REEP1: variants seen among roughly 807,000 people sequenced by gnomAD.
REEP1 encodes receptor expression-enhancing protein 1.
A neutral mutation model predicts 40.3 loss-of-function variants in REEP1; 22 were observed. That is an observed-to-expected ratio of 0.55 (90% confidence interval 0.39 to 0.78). The LOEUF is 0.78. Among genes scored for constraint, REEP1 ranks in the 30% least tolerant of loss-of-function variants. REEP1 has a pLI of 0.00. For missense variants in REEP1, 280 were observed against 361.1 expected (o/e 0.78, Z 1.82); for synonymous variants, 116 against 139.2 (o/e 0.83, Z 1.17).
chr2:86,273,178 C>G (rs1046713940), intron 2 of REEP1, among the ~76,000 whole-genome samples: 3 of 151,222 alleles, frequency 2.0e-5, no homozygotes, highest in East Asian at 3.9e-4. Context: ...AAGCGGGTGA[C>G]TTTCTTTCCT....
intron 1 of REEP1, among the ~76,000 whole-genome samples, chr2:86,303,376 T>C (rs1679346414): frequency 6.6e-6 from 1 of 151,948 alleles, no homozygotes; most frequent in Non-Finnish European, 1.5e-5. Context: ...ATCACCAGCC[T>C]GGCTAATTTT....
intron 5 of REEP1, among the ~76,000 whole-genome samples, chr2:86,233,500 G>A (rs182535209): frequency 6.6e-6 from 1 of 152,208 alleles, no homozygotes; most frequent in East Asian, 1.9e-4. Flanking sequence ...TAATCTCGGG[G>A]GGAATTGTTC....
intron 2 of REEP1, among the ~76,000 whole-genome samples, chr2:86,276,369 T>G (rs1256317708): frequency 6.6e-6 from 1 of 152,262 alleles, no homozygotes; most frequent in Non-Finnish European, 1.5e-5. Context: ...CTTTTCCTAC[T>G]GCTCTGCTTC....
intron 2 of REEP1, among the ~76,000 whole-genome samples, chr2:86,276,678 G>C (rs1168886421): frequency 6.6e-6 from 1 of 152,184 alleles, no homozygotes; most frequent in Non-Finnish European, 1.5e-5. Context: ...CCAACATATG[G>C]TGGTGCTTCT....
At chr2:86,220,422 G>A (rs1674354526) in intron 7 of REEP1, among the ~76,000 whole-genome samples, 1 of 152,150 alleles carries the variant, frequency 6.6e-6, no homozygotes, top group African/African-American at 2.4e-5. Flanking sequence ...CACTTCCCTG[G>A]GTGAAGAAAG....
intron 2 of REEP1, 29 bp downstream of exon 2, chr2:86,282,141 C>T (rs1678130134): frequency 2.0e-6 from 3 of 1,523,750 alleles, no homozygotes; most frequent in Non-Finnish European, 2.7e-6. Context: ...CTCCAGCCAA[C>T]CCGCTCGAAA....
At chr2:86,230,535 C>G (rs1477123251) in intron 6 of REEP1, among the ~76,000 whole-genome samples, 1 of 152,254 alleles carries the variant, frequency 6.6e-6, no homozygotes, top group African/African-American at 2.4e-5. Flanking sequence ...CCAGCTTTGG[C>G]TTGTGTCCTT....
intron 1 of REEP1, among the ~76,000 whole-genome samples, chr2:86,290,856 T>C (rs1340640075): frequency 1.3e-5 from 2 of 152,200 alleles, no homozygotes; most frequent in African/African-American, 4.8e-5. Context: ...TTGGTTGCCA[T>C]GGGTCCCAAC....
intron 5 of REEP1, among the ~76,000 whole-genome samples, chr2:86,242,271 C>G (rs912761941): frequency 6.6e-6 from 1 of 152,182 alleles, no homozygotes; most frequent in African/African-American, 2.4e-5. Context: ...ACTTTTAAAC[C>G]TGGTCTGCTT....
chr2:86,271,219 C>T (rs1009406491), intron 2 of REEP1, among the ~76,000 whole-genome samples: 2 of 151,008 alleles, frequency 1.3e-5, no homozygotes, highest in South Asian at 4.2e-4. Flanking sequence ...AATAAACAAA[C>T]CAACAAACCC....
intron 1 of REEP1, among the ~76,000 whole-genome samples, chr2:86,327,556 T>C (rs1245201325): frequency 1.1e-4 from 16 of 144,454 alleles, no homozygotes; most frequent in Non-Finnish European, 4.5e-5. Context: ...AGGGGAAAGA[T>C]GGTCTATCTT....
chr2:86,321,058 C>T (rs1680254399), intron 1 of REEP1, among the ~76,000 whole-genome samples: 1 of 152,152 alleles, frequency 6.6e-6, no homozygotes. Context: ...CTCAGGTGAT[C>T]TGCCCACCTT....
intron 7 of REEP1, among the ~76,000 whole-genome samples, chr2:86,225,908 T>C (rs1240652930): frequency 6.6e-6 from 1 of 152,228 alleles, no homozygotes; most frequent in Non-Finnish European, 1.5e-5. Flanking sequence ...TAGTCCCTAA[T>C]GTGTCTACTT....
At chr2:86,278,025 T>A (rs1374645981) in intron 2 of REEP1, among the ~76,000 whole-genome samples, 1 of 152,220 alleles carries the variant, frequency 6.6e-6, no homozygotes, top group Non-Finnish European at 1.5e-5. Context: ...CCTACATATG[T>A]CTGTTATTTG....
intron 2 of REEP1, 42 bp from the exon 3 acceptor site, chr2:86,264,083 G>C (rs550425548): frequency 8.1e-6 from 12 of 1,479,254 alleles, no homozygotes; most frequent in Admixed American, 5.0e-5. Context: ...AAAAGGTCCA[G>C]GAAAAACACT....
chr2:86,308,750 A>G (rs1361980847), intron 1 of REEP1, among the ~76,000 whole-genome samples: 2 of 152,224 alleles, frequency 1.3e-5, no homozygotes, highest in Non-Finnish European at 2.9e-5. Context: ...CCTCACTTGT[A>G]AAGTGGGAAG....
At chr2:86,245,520 C>A (rs901815567) in intron 5 of REEP1, among the ~76,000 whole-genome samples, 2 of 152,192 alleles carry the variant, frequency 1.3e-5, no homozygotes, top group African/African-American at 4.8e-5. Context: ...ATAGATTGCA[C>A]CTATGACGCA....
chr2:86,247,773 G>A (rs1676053070), intron 5 of REEP1, among the ~76,000 whole-genome samples: 1 of 152,000 alleles, frequency 6.6e-6, no homozygotes, highest in Non-Finnish European at 1.5e-5. Flanking sequence ...GTTTCATCAT[G>A]TTGCCCAGGC....
At chr2:86,256,230 C>A (rs188517814) in intron 3 of REEP1, among the ~76,000 whole-genome samples, 4 of 151,958 alleles carry the variant, frequency 2.6e-5, no homozygotes. Flanking sequence ...CACCTGTAAT[C>A]CCAGCTACTC....
Sources: allele counts gnomAD v4.1 joint callset (sites outside exome capture counted in the v4.1 genomes callset), GRCh38; gene constraint gnomAD v4.1.1; transcripts MANE v1.5; gene names NCBI Gene and HGNC (gene_info 2026-07-23, HGNC 2026-07-21).